SEMA5A: variants seen among roughly 807,000 people sequenced by gnomAD.
SEMA5A encodes the protein semaphorin-5A.
SEMA5A carries 55 observed loss-of-function variants against 135.5 expected under a neutral mutation model. The ratio of observed to expected loss-of-function variants is 0.41; its 90% CI spans 0.33 to 0.51. The LOEUF is 0.51. Among genes scored for constraint, SEMA5A ranks in the 20% least tolerant of loss-of-function variants. SEMA5A has a pLI of 0.37. For synonymous variants in SEMA5A, 580 were observed against 546.5 expected, an observed-to-expected ratio of 1.06 and a Z score of -0.85; for missense variants, 1,290 against 1,419.9, an observed-to-expected ratio of 0.91 and a Z score of 1.47.
chr5:9,300,380 T>A (rs536540641), intron 5 of SEMA5A, among the ~76,000 whole-genome samples: 1 of 152,216 alleles, frequency 6.6e-6, no homozygotes, highest in Non-Finnish European at 1.5e-5. Flanking sequence ...GATAGTCCCC[T>A]ACAACACAGA....
At chr5:9,238,399 G>C (rs1748024217) in intron 5 of SEMA5A, among the ~76,000 whole-genome samples, 2 of 152,082 alleles carry the variant, frequency 1.3e-5, no homozygotes, top group African/African-American at 4.8e-5. Context: ...TCAATCAATA[G>C]ATAGCTCATG....
chr5:9,458,529 C>A (rs1008852721), intron 1 of SEMA5A, among the ~76,000 whole-genome samples: 1 of 152,310 alleles, frequency 6.6e-6, no homozygotes, highest in Non-Finnish European at 1.5e-5. Flanking sequence ...AGCAGGCACT[C>A]GCCCATACGC....
chr5:9,529,634 AT>A (rs960580751), intron 1 of SEMA5A, among the ~76,000 whole-genome samples: 1 of 152,134 alleles, frequency 6.6e-6, no homozygotes, highest in African/African-American at 2.4e-5. Context: ...TGGGGCCAGA[AT>A]TTTTTTTCCT....
intron 11 of SEMA5A, among the ~76,000 whole-genome samples, chr5:9,164,362 T>C (rs1743490064): frequency 6.8e-6 from 1 of 147,758 alleles, no homozygotes; most frequent in African/African-American, 2.5e-5. Context: ...GGCATCCAGA[T>C]AAACTGTTAA....
chr5:9,327,035 A>G (rs1752911437), intron 4 of SEMA5A, among the ~76,000 whole-genome samples: 1 of 152,176 alleles, frequency 6.6e-6, no homozygotes, highest in Non-Finnish European at 1.5e-5. Context: ...TTTTGTGGTT[A>G]TAACTATCCT....
chr5:9,475,505 A>G (rs1465874078), intron 1 of SEMA5A, among the ~76,000 whole-genome samples: 1 of 152,216 alleles, frequency 6.6e-6, no homozygotes, highest in African/African-American at 2.4e-5. Context: ...AGAATGTTTA[A>G]TGAAAAGGCA....
chr5:9,538,277 G>T (rs1027670367), intron 1 of SEMA5A, among the ~76,000 whole-genome samples: 13 of 152,034 alleles, frequency 8.6e-5, no homozygotes, highest in African/African-American at 3.1e-4. Context: ...GCGGGGCGGG[G>T]GGAGGTGCGC....
intron 1 of SEMA5A, among the ~76,000 whole-genome samples, chr5:9,537,567 G>C (rs761919983): frequency 1.3e-5 from 2 of 152,088 alleles, no homozygotes; most frequent in Non-Finnish European, 2.9e-5. Context: ...ACTCATGAAG[G>C]GTGATAATTT....
intron 11 of SEMA5A, among the ~76,000 whole-genome samples, chr5:9,186,869 G>A (rs1452228364): frequency 6.6e-6 from 1 of 152,012 alleles, no homozygotes; most frequent in East Asian, 1.9e-4. Flanking sequence ...ATCAATTAAT[G>A]TTAACTACAG....
intron 16 of SEMA5A, among the ~76,000 whole-genome samples, chr5:9,072,284 G>A (rs1476433726): frequency 6.6e-6 from 1 of 152,166 alleles, no homozygotes; most frequent in African/African-American, 2.4e-5. Flanking sequence ...AGCATGGGGA[G>A]CAGAAACCCA....
At chr5:9,190,727 A>C (rs990376416) in intron 10 of SEMA5A, among the ~76,000 whole-genome samples, 2 of 152,168 alleles carry the variant, frequency 1.3e-5, no homozygotes, top group Non-Finnish European at 2.9e-5. Context: ...AAAAAAAATT[A>C]AAGTGGGAGT....
At chr5:9,412,591 A>ATTTTTT (rs201599831) in intron 2 of SEMA5A, among the ~76,000 whole-genome samples, 4 of 110,362 alleles carry the variant, frequency 3.6e-5, no homozygotes, top group African/African-American at 1.4e-4. Flanking sequence ...CAGATTTTGC[A>ATTTTTT]TTTTTTTTTT....
chr5:9,465,558 C>A (rs970143558), intron 1 of SEMA5A, among the ~76,000 whole-genome samples: 2 of 152,176 alleles, frequency 1.3e-5, no homozygotes, highest in Admixed American at 1.3e-4. Context: ...GTGCCAAATA[C>A]TATGTTGAAT....
At chr5:9,164,147 TAA>T (rs1743471407) in intron 11 of SEMA5A, among the ~76,000 whole-genome samples, 4 of 120,554 alleles carry the variant, frequency 3.3e-5, no homozygotes, top group Non-Finnish European at 4.8e-5. Context: ...TATATAATTA[TAA>T]ATATATCATA....
At chr5:9,301,593 T>C (rs936040750) in intron 5 of SEMA5A, among the ~76,000 whole-genome samples, 3 of 152,150 alleles carry the variant, frequency 2.0e-5, no homozygotes, top group Non-Finnish European at 4.4e-5. Flanking sequence ...TGGCTGCAAG[T>C]AGCCTGCACT....
At chr5:9,495,667 A>T (rs1269405741) in intron 1 of SEMA5A, among the ~76,000 whole-genome samples, 1 of 152,174 alleles carries the variant, frequency 6.6e-6, no homozygotes, top group Non-Finnish European at 1.5e-5. Flanking sequence ...CCACAGGAGG[A>T]TGAAGAGAAA....
chr5:9,467,921 C>T (rs1759322277), intron 1 of SEMA5A, among the ~76,000 whole-genome samples: 1 of 152,200 alleles, frequency 6.6e-6, no homozygotes, highest in Non-Finnish European at 1.5e-5. Context: ...CTTCAAAGTC[C>T]TTTGACTAGC....
intron 16 of SEMA5A, among the ~76,000 whole-genome samples, chr5:9,081,147 T>C (rs181437754): frequency 5.9e-4 from 89 of 151,976 alleles, no homozygotes; most frequent in Non-Finnish European, 1.1e-3. Flanking sequence ...AAATACAAGA[T>C]CTCAGTCCTA....
intron 13 of SEMA5A, among the ~76,000 whole-genome samples, chr5:9,135,592 G>A (rs1275317741): frequency 6.6e-6 from 1 of 152,138 alleles, no homozygotes; most frequent in East Asian, 1.9e-4. Context: ...CGCCTTCGCA[G>A]TTCTAAAGCA....
Sources: allele counts gnomAD v4.1 joint callset (sites outside exome capture counted in the v4.1 genomes callset), GRCh38; gene constraint gnomAD v4.1.1; transcripts MANE v1.5; gene names NCBI Gene and HGNC (gene_info 2026-07-23, HGNC 2026-07-21).